The following CNDP1 variants were observed in gnomAD, a reference collection of about 807,000 sequenced individuals.
The protein encoded by CNDP1 is beta-Ala-His dipeptidase.
In CNDP1, 44 loss-of-function variants were observed where a neutral mutation model predicts 58.1. That is an observed-to-expected ratio of 0.76 (90% CI 0.60 to 0.97). The LOEUF (loss-of-function observed/expected upper bound fraction) is 0.97. Among genes scored for constraint, CNDP1 ranks in the 50% least tolerant of loss-of-function variants. CNDP1 has a pLI of 0.00. For missense variants in CNDP1, 616 were observed against 655.1 expected (o/e 0.94, Z 0.65); for synonymous variants, 254 against 252.6 (o/e 1.01, Z -0.05).
chr18:74,578,633 A>G lies in CNDP1; in HGVS notation c.1167+306A>G, dbSNP rs78856999. Among the ~76,000 whole-genome samples, 676 of 152,320 alleles carry G rather than the reference A, an allele frequency of 4.4e-3. 6 individuals carry two copies. The highest frequency in any genetic ancestry group is 0.038 in the East Asian group (195 of 5,188). Reference sequence around the variant, plus strand: ...CAGAGCAAGACACTGTCTCTTAAAAAAACAAACAAAAAGAATCCAGTCTTT... The same window carrying G: ...CAGAGCAAGACACTGTCTCTTAAAAGAACAAACAAAAAGAATCCAGTCTTT... On this transcript the variant is annotated intron_variant, in intron 9 of 11. Transcript: ENST00000358821.
At chr18:74,536,963 T>C (rs1276067724) in intron 1 of CNDP1, among the ~76,000 whole-genome samples, 1 of 152,236 alleles carries the variant, frequency 6.6e-6, no homozygotes, top group Non-Finnish European at 1.5e-5. Flanking sequence ...TTCATGTCCT[T>C]TGCCCAGTTT....
At chr18:74,575,473 C>G (rs1469707726) in intron 7 of CNDP1, among the ~76,000 whole-genome samples, 1 of 152,212 alleles carries the variant, frequency 6.6e-6, no homozygotes, top group African/African-American at 2.4e-5. Context: ...TTATATCAGT[C>G]TACTTCCTGG....
chr18:74,583,439 TAAAA>T, intron 10 of CNDP1, 118 bp from the exon 11 acceptor site: 1 of 802,728 alleles, frequency 1.2e-6, no homozygotes, highest in Non-Finnish European at 2.0e-6. Context: ...AATCTAATGG[TAAAA>T]AAAGAAAGAT....
At chr18:74,569,241 C>T (rs1457065213) in intron 6 of CNDP1, among the ~76,000 whole-genome samples, 2 of 152,002 alleles carry the variant, frequency 1.3e-5, no homozygotes, top group Non-Finnish European at 2.9e-5. Flanking sequence ...AGTGACCATA[C>T]CGAAGATTGC....
At chr18:74,579,183 CCCTTT>C (rs1206160652) in intron 9 of CNDP1, among the ~76,000 whole-genome samples, 1,179 of 87,376 alleles carry the variant, frequency 0.013, 11 homozygotes, top group South Asian at 0.063. Context: ...TCTCCCTTCT[CCCTTT>C]CCTTCCCTTC....
At chr18:74,566,833 C>G (rs866823572) in intron 5 of CNDP1, among the ~76,000 whole-genome samples, 2 of 152,314 alleles carry the variant, frequency 1.3e-5, no homozygotes, top group South Asian at 2.1e-4. Context: ...ACAACCCACT[C>G]TACTGGTACC....
chr18:74,572,868 G>A (rs1033932020), intron 7 of CNDP1, among the ~76,000 whole-genome samples: 10 of 140,496 alleles, frequency 7.1e-5, no homozygotes, highest in African/African-American at 2.6e-4. Flanking sequence ...GTTTAATAAT[G>A]TGCCCCTTTT....
chr18:74,548,337 T>C (rs564741351), intron 1 of CNDP1, among the ~76,000 whole-genome samples: 1 of 152,206 alleles, frequency 6.6e-6, no homozygotes, highest in Admixed American at 6.5e-5. Flanking sequence ...CAAGATCTGG[T>C]TGTTTAAAAG....
At chr18:74,544,717 CAAAAAA>C (rs10562152) in intron 1 of CNDP1, among the ~76,000 whole-genome samples, 1 of 63,858 alleles carries the variant, frequency 1.6e-5, no homozygotes, top group Non-Finnish European at 2.8e-5. Context: ...GGTTCTGTCT[CAAAAAA>C]AAAAAAAAAA....
At chr18:74,579,228 C>A (rs992783422) in intron 9 of CNDP1, among the ~76,000 whole-genome samples, 1 of 143,122 alleles carries the variant, frequency 7.0e-6, no homozygotes, top group Non-Finnish European at 1.5e-5. Flanking sequence ...CCCTTCCCTT[C>A]CCTCACCTCC....
intron 1 of CNDP1, among the ~76,000 whole-genome samples, chr18:74,555,848 A>C (rs1981023927): frequency 6.6e-6 from 1 of 152,148 alleles, no homozygotes; most frequent in South Asian, 2.1e-4. Flanking sequence ...TTCCTGTTAA[A>C]GTACTGTGAT....
At chr18:74,539,390 A>G (rs1209721619) in intron 1 of CNDP1, among the ~76,000 whole-genome samples, 1 of 152,166 alleles carries the variant, frequency 6.6e-6, no homozygotes, top group Non-Finnish European at 1.5e-5. Flanking sequence ...GGGTCTGAGG[A>G]TGCAGGACTG....
chr18:74,560,987 C>T lies in CNDP1; in HGVS notation c.435C>T (p.Leu145=). 1 of 1,614,112 alleles carries T rather than the reference C, an allele frequency of 6.2e-7. No homozygotes were observed. The highest frequency in any genetic ancestry group is 8.5e-7 in the Non-Finnish European group (1 of 1,180,014). ...CTGCTGACCGGGGCGATGGGTGGCT[C>T]ACGGACCCCTATGTGCTGACGGAGG... ...VQPADRGDGW[L]TDPYVLTEVD... Residue 145 remains leucine (L), a synonymous_variant, in exon 4 of 12, where the codon CTC becomes CTT. Coordinates refer to ENST00000358821, the MANE Select transcript of CNDP1 (RefSeq NM_032649.6).
chr18:74,559,741 G>C (rs1288631005), intron 3 of CNDP1, among the ~76,000 whole-genome samples: 1 of 152,122 alleles, frequency 6.6e-6, no homozygotes, highest in Non-Finnish European at 1.5e-5. Flanking sequence ...GGACCCCCTT[G>C]TACTTTTCAT....
chr18:74,540,097 A>G (rs1420784629), intron 1 of CNDP1, among the ~76,000 whole-genome samples: 1 of 150,364 alleles, frequency 6.7e-6, no homozygotes, highest in Non-Finnish European at 1.5e-5. Flanking sequence ...TAGTTTTACC[A>G]CTGGTCTTTC....
chr18:74,563,830 C>T (rs1049049347), intron 5 of CNDP1, among the ~76,000 whole-genome samples: 33 of 152,190 alleles, frequency 2.2e-4, no homozygotes, highest in Non-Finnish European at 3.8e-4. Context: ...GACCCAGCTG[C>T]TAATGCATGC....
chr18:74,551,663 C>T (rs56137746), intron 1 of CNDP1, among the ~76,000 whole-genome samples: 1 of 152,244 alleles, frequency 6.6e-6, no homozygotes, highest in Non-Finnish European at 1.5e-5. Flanking sequence ...GTCTTTTATT[C>T]GAGACCAGGG....
chr18:74,535,716 A>C (rs1261369527), intron 1 of CNDP1, among the ~76,000 whole-genome samples: 2 of 152,020 alleles, frequency 1.3e-5, no homozygotes, highest in Non-Finnish European at 2.9e-5. Context: ...AAAACATTAA[A>C]GTTAAAAGCA....
chr18:74,583,579 A>T lies in CNDP1; in HGVS notation c.1328A>T (p.Asp443Val). Residue 443 changes from aspartate to valine, a missense_variant, in exon 11 of 12, where the codon GAT becomes GTT. Asp to Val is a radical substitution (Grantham distance 152). Transcript: ENST00000358821. Reference protein sequence around the residue: ...AIRTVFGTEPDMIRDGSTIPI... With the variant: ...AIRTVFGTEPVMIRDGSTIPI... ...GTCTCAGTGTTTGGAACAGAACCAG[A>T]TATGATCCGGGATGGATCCACCATT... The T allele has an allele frequency of 1.2e-6, 2 of 1,614,154 alleles. No homozygotes were observed. The highest frequency in any genetic ancestry group is 1.7e-6 in the Non-Finnish European group (2 of 1,180,006).
Sources: gnomAD v4.1 joint callset for allele counts (sites outside exome capture counted in the v4.1 genomes callset) on GRCh38, gnomAD v4.1.1 for gene constraint, MANE v1.5 for transcripts, NCBI Gene and HGNC (gene_info 2026-07-23, HGNC 2026-07-21) for gene names.